Variants in KLRK1 observed in about 807,000 individuals in gnomAD.
KLRK1 encodes the protein killer cell lectin like receptor K1.
Under a neutral mutation model 31.3 loss-of-function variants are expected in KLRK1, and 40 were observed. The ratio of observed to expected loss-of-function variants is 1.28; its 90% CI spans 0.99 to 1.67. The LOEUF (loss-of-function observed/expected upper bound fraction) is 1.67. Ranked by LOEUF, KLRK1 falls within the 40% of genes most tolerant of loss-of-function variation. KLRK1 has a pLI of 0.00. For missense variants in KLRK1, 251 were observed against 260.0 expected (o/e 0.97, Z 0.24); for synonymous variants, 77 against 77.3 (o/e 1.00, Z 0.02).
At chr12:10,379,900 C>A in intron 3 of KLRK1, 108 bp from the exon 4 acceptor site, 1 of 947,768 alleles carries the variant, frequency 1.1e-6, no homozygotes, top group South Asian at 2.3e-5. Context: ...TGGTATTGAT[C>A]CTTTTTCTGC....
chr12:10,378,548 C>T lies in KLRK1; in HGVS notation c.429+6G>A, dbSNP rs751533870. The T allele has an allele frequency of 1.9e-6, 3 of 1,608,378 alleles. No homozygotes were observed. Among genetic ancestry groups the T allele is most frequent in the East Asian group, 4.5e-5 (2 of 44,828 alleles). On this transcript the variant is annotated splice_donor_region_variant and intron_variant, in intron 6 of 7. Coordinates refer to ENST00000240618, the MANE Select transcript of KLRK1 (RefSeq NM_007360.4). The stretch of plus-strand genomic sequence containing the variant: ...ACAGGATGGGAAATTAAAATAAATA[C>T]TCAACCTGGTCCTCTTTGCTGTATA...
rs1420946837 is a variant in KLRK1, at chr12:10,378,152, G to A, written c.513C>T (p.Gly171=). The change falls in exon 7 of 8, where the codon GGC becomes GGT. Residue 171 remains glycine, a synonymous_variant. Transcript: ENST00000240618. ...CTTACAGGTTGGGTGAGAGAATGGA[G>A]CCATCTTCCCACTGCCAAGATCCAT... ...PTNGSWQWED[G]SILSPNLLTI... 1.2e-6 allele frequency: 2 copies of A among 1,614,070 alleles called. No individual in the cohort carries two copies. Among genetic ancestry groups the A allele is most frequent in the South Asian group, 2.2e-5 (2 of 91,088 alleles).
chr12:10,372,848 A>C lies in KLRK1; in HGVS notation c.*266T>G, dbSNP rs568199186. 15 of 382,020 alleles carry C rather than the reference A, an allele frequency of 3.9e-5. No homozygotes were observed. The highest frequency in any genetic ancestry group is 2.6e-4 in the Admixed American group (5 of 19,356). 23.7% of individuals were successfully genotyped at this position (382,020 alleles called of 1,614,324 possible). On this transcript the variant is annotated 3_prime_UTR_variant, in exon 8 of 8. Coordinates refer to ENST00000240618, the MANE Select transcript of KLRK1 (RefSeq NM_007360.4). ...GAAATTAAAACAGCACCCCTCCCCC[A>C]GCCCATCCACTCTGGGCTTGTGGTG...
Position 10,372,918 on chromosome 12 carries a change from CTTCTT to C in KLRK1, c.*191_*195del. The C allele has an allele frequency of 1.8e-6, 1 of 540,818 alleles. No homozygotes were observed. 33.5% of individuals were successfully genotyped at this position (540,818 alleles called of 1,614,324 possible). A position where few individuals can be genotyped will look rare whatever the true frequency, so the allele number is the denominator to read the frequency against. On this transcript the variant is annotated 3_prime_UTR_variant, in exon 8 of 8. Coordinates refer to ENST00000240618, the MANE Select transcript of KLRK1 (RefSeq NM_007360.4). ...TATCTGAATTGCCTTTAGGATCTCT[CTTCTT>C]TTGTCTTGGAGAATCATGCATGTTT...
At chr12:10,378,016 A>T in intron 7 of KLRK1, 116 bp downstream of exon 7, 1 of 1,103,724 alleles carries the variant, frequency 9.1e-7, no homozygotes. Context: ...CTTTTTACTA[A>T]ATCTATTAGA....
At chr12:10,378,257 C>A (rs1565491913) in intron 6 of KLRK1, 22 bp from the exon 7 acceptor site, 1 of 1,605,558 alleles carries the variant, frequency 6.2e-7, no homozygotes, top group Admixed American at 1.7e-5. Context: ...CACAAATAAA[C>A]TATAAGTAAA....
In KLRK1 at chr12:10,372,916, C is replaced by G. The variant is rs967144395; in HGVS notation, c.*198G>C. 1.7e-5 allele frequency: 9 copies of G among 535,886 alleles called. No individual in the cohort carries two copies. Among genetic ancestry groups the G allele is most frequent in the Non-Finnish European group, 2.6e-5 (8 of 311,400 alleles). The allele number at this position is 535,886 out of a possible 1,614,324, so 33.2% of individuals were successfully genotyped here. A position where few individuals can be genotyped will look rare whatever the true frequency, so the allele number is the denominator to read the frequency against. ...GATATCTGAATTGCCTTTAGGATCT[C>G]TCTTCTTTTGTCTTGGAGAATCATG... On this transcript the variant is annotated 3_prime_UTR_variant, in exon 8 of 8. Transcript: ENST00000240618.
intron 3 of KLRK1, among the ~76,000 whole-genome samples, chr12:10,382,981 A>G (rs946013180): frequency 2.0e-5 from 3 of 152,160 alleles, no homozygotes; most frequent in Non-Finnish European, 1.5e-5. Context: ...TAAGTCTCAC[A>G]GTAACCACAA....
At chr12:10,378,369 T>G in intron 6 of KLRK1, 134 bp from the exon 7 acceptor site, 1 of 1,298,518 alleles carries the variant, frequency 7.7e-7, no homozygotes, top group Non-Finnish European at 1.1e-6. Context: ...ATAATTCTCA[T>G]CCGAGCACAC....
chr12:10,381,047 C>T (rs1364754498), intron 3 of KLRK1, among the ~76,000 whole-genome samples: 1 of 151,988 alleles, frequency 6.6e-6, no homozygotes, highest in East Asian at 1.9e-4. Context: ...GTAGTCATGA[C>T]CCTTGCATCA....
intron 3 of KLRK1, among the ~76,000 whole-genome samples, chr12:10,382,382 C>T (rs566676866): frequency 2.0e-5 from 3 of 152,272 alleles, no homozygotes; most frequent in South Asian, 2.1e-4. Flanking sequence ...GAAGCTTCAA[C>T]ACATCTGTTA....
In KLRK1 at chr12:10,373,154, G is replaced by C. The variant is rs1339250019; in HGVS notation, c.611C>G (p.Ser204Ter). ...CATGCAGATGTACGTATTTGGAGTT[G>C]AACAGTTTTCTATATAGCCTTTAAA... ...SSFKGYIENCSTPNTYICMQR... is the reference protein window; with the variant it reads ...SSFKGYIENC The change falls in exon 8 of 8, where the codon TCA becomes TGA. Residue 204 changes from serine (S) to a stop codon, truncating the protein, a stop_gained. Coordinates refer to ENST00000240618, the MANE Select transcript of KLRK1 (RefSeq NM_007360.4). LOFTEE classifies it high-confidence loss of function. The C allele has an allele frequency of 8.7e-6, 14 of 1,612,004 alleles. No homozygotes were observed. Among genetic ancestry groups the C allele is most frequent in the Non-Finnish European group, 1.0e-5 (12 of 1,179,348 alleles).
chr12:10,389,385 CATT>C (rs551366540), intron 1 of KLRK1, among the ~76,000 whole-genome samples: 36 of 152,288 alleles, frequency 2.4e-4, no homozygotes, highest in African/African-American at 7.5e-4. Flanking sequence ...TCACCATCAT[CATT>C]AACAAAACTA....
intron 7 of KLRK1, 35 bp downstream of exon 7, chr12:10,378,097 T>A: frequency 1.3e-6 from 2 of 1,581,662 alleles, no homozygotes; most frequent in South Asian, 2.3e-5. Flanking sequence ...AGGAAAAAAA[T>A]TAAAAAGAAG....
At chr12:10,380,623 C>T (rs1387112648) in intron 3 of KLRK1, among the ~76,000 whole-genome samples, 1 of 152,092 alleles carries the variant, frequency 6.6e-6, no homozygotes, top group African/African-American at 2.4e-5. Context: ...CAGCTTGGAG[C>T]CAAGAGGGAC....
chr12:10,381,075 A>G (rs533150201), intron 3 of KLRK1, among the ~76,000 whole-genome samples: 1 of 152,138 alleles, frequency 6.6e-6, no homozygotes, highest in East Asian at 1.9e-4. Flanking sequence ...ACAGAGCCCT[A>G]TGCCCAGGGA....
Position 10,386,895 on chromosome 12 carries a change from G to C in KLRK1, c.148+8C>G, listed in dbSNP as rs1167816615. 6.2e-7 allele frequency: 1 copy of C among 1,607,224 alleles called. No individual in the cohort carries two copies. The highest frequency in any genetic ancestry group is 1.7e-5 in the Admixed American group (1 of 59,502). On this transcript the variant is annotated splice_region_variant and intron_variant, in intron 3 of 7. Coordinates refer to ENST00000240618, the MANE Select transcript of KLRK1 (RefSeq NM_007360.4). ...ACTGAGAGTAGACAAATGGAACATA[G>C]GACTTACCATTTTCTCTACATTTGC...
rs1408677482 is a variant in KLRK1 at position 10,378,615 on chromosome 12, C to T, written c.368G>A (p.Ser123Asn). ...FFDESKNWYESQASCMSQNAS... is the reference protein window; with the variant it reads ...FFDESKNWYENQASCMSQNAS... The stretch of plus-strand genomic sequence containing the variant: ...ATTTTGAGACATACAAGAAGCCTGG[C>T]TCTCATACCAGTTTTTACTCTCATC... Residue 123 changes from serine (S) to asparagine (N), a missense_variant, in exon 6 of 8, where the codon AGC becomes AAC. Transcript: ENST00000240618. 11 of 1,612,638 alleles carry T rather than the reference C, an allele frequency of 6.8e-6. No individual in the cohort carries two copies. In the East Asian group the frequency reaches 2.5e-4, roughly 36 times the overall value.
At chr12:10,375,042 G>T (rs1389577227) in intron 7 of KLRK1, among the ~76,000 whole-genome samples, 2 of 81,518 alleles carry the variant, frequency 2.5e-5, no homozygotes, top group Non-Finnish European at 6.0e-5. Context: ...TGTTTTTTCT[G>T]TTAAAAAAAC....
Sources: allele counts gnomAD v4.1 joint callset (sites outside exome capture counted in the v4.1 genomes callset), GRCh38; gene constraint gnomAD v4.1.1; transcripts MANE v1.5; gene names NCBI Gene and HGNC (gene_info 2026-07-23, HGNC 2026-07-21).